Variants in ANKFN1 observed in about 807,000 individuals in gnomAD.
ANKFN1 encodes ankyrin repeat and fibronectin type III domain containing 1.
A neutral mutation model predicts 108.7 loss-of-function variants in ANKFN1; 74 were observed. That is an observed-to-expected ratio of 0.68 (90% confidence interval 0.56 to 0.83). The LOEUF is 0.83. Among genes scored for constraint, ANKFN1 ranks in the 40% least tolerant of loss-of-function variants. The pLI is 0.00. For missense variants in ANKFN1, 1,505 were observed against 1,382.3 expected (o/e 1.09, Z -1.41); for synonymous variants, 547 against 516.2 (o/e 1.06, Z -0.81).
At chr17:56,246,415 C>T (rs999309367) in intron 3 of ANKFN1, among the ~76,000 whole-genome samples, 3 of 152,112 alleles carry the variant, frequency 2.0e-5, no homozygotes, top group Admixed American at 6.6e-5. Context: ...CTAACAGATA[C>T]ATTATAATAT....
chr17:56,126,761 T>C (rs996401451), intron 4 of ANKFN1, among the ~76,000 whole-genome samples: 2 of 152,194 alleles, frequency 1.3e-5, no homozygotes, highest in African/African-American at 4.8e-5. Context: ...TAATACCATT[T>C]TGATAAGTAA....
At chr17:56,496,689 A>G (rs1262326863) in intron 19 of ANKFN1, among the ~76,000 whole-genome samples, 1 of 152,072 alleles carries the variant, frequency 6.6e-6, no homozygotes, top group East Asian at 1.9e-4. Flanking sequence ...CACAGAGAAA[A>G]TCCAAGATAA....
chr17:56,058,319 C>T (rs1256317944), intron 4 of ANKFN1, among the ~76,000 whole-genome samples: 1 of 152,194 alleles, frequency 6.6e-6, no homozygotes, highest in Non-Finnish European at 1.5e-5. Flanking sequence ...TTAGTGTCGC[C>T]ACCTTCATGA....
chr17:56,318,374 T>A (rs1173145702), intron 3 of ANKFN1, among the ~76,000 whole-genome samples: 1 of 152,130 alleles, frequency 6.6e-6, no homozygotes, highest in Non-Finnish European at 1.5e-5. Context: ...TTCCTTAAAC[T>A]GGGAAAAAGT....
intron 4 of ANKFN1, among the ~76,000 whole-genome samples, chr17:56,147,663 C>A (rs1908345711): frequency 6.6e-6 from 1 of 152,178 alleles, no homozygotes; most frequent in Non-Finnish European, 1.5e-5. Context: ...ATTGGAACTA[C>A]AATTCAAGAT....
At chr17:56,260,061 C>T (rs1863889105) in intron 3 of ANKFN1, among the ~76,000 whole-genome samples, 1 of 152,106 alleles carries the variant, frequency 6.6e-6, no homozygotes, top group African/African-American at 2.4e-5. Flanking sequence ...GGGTTCCATG[C>T]AAGGATAGGC....
chr17:56,312,355 A>G (rs945485534), intron 3 of ANKFN1, among the ~76,000 whole-genome samples: 2 of 152,302 alleles, frequency 1.3e-5, no homozygotes, highest in Admixed American at 6.5e-5. Flanking sequence ...TATCTAGTCT[A>G]GACCCAGAGT....
chr17:56,136,047 C>T (rs566162385), intron 4 of ANKFN1, among the ~76,000 whole-genome samples: 9 of 152,216 alleles, frequency 5.9e-5, no homozygotes, highest in African/African-American at 1.9e-4. Context: ...TTTTAGGGGC[C>T]ATCACATAAA....
Position 56,457,865 on chromosome 17 carries a change from G to A in ANKFN1, c.1443G>A (p.Leu481=). Residue 481 remains leucine, a splice_region_variant and synonymous_variant, in exon 14 of 21, where the codon CTG becomes CTA. Coordinates refer to ENST00000682825, the MANE Select transcript of ANKFN1 (RefSeq NM_001370326.1). ...ITQDFLWFTK[L]SCMWEDIRWL... is the part of the protein sequence containing the mutation. ...TGATTGCATGCCTTCTTTTGCAGCT[G>A]TCTTGTATGTGGGAAGATATAAGGT... is the stretch of plus-strand genomic sequence containing the variant. The A allele has an allele frequency of 1.2e-6, 2 of 1,611,700 alleles. No individual in the cohort carries two copies. The highest frequency in any genetic ancestry group is 8.5e-7 in the Non-Finnish European group (1 of 1,178,314).
At chr17:56,135,926 T>G (rs764656685) in intron 4 of ANKFN1, among the ~76,000 whole-genome samples, 16 of 152,112 alleles carry the variant, frequency 1.1e-4, no homozygotes, top group Admixed American at 3.3e-4. Context: ...ATGTCAAAAA[T>G]TATGTGAATG....
chr17:56,072,619 T>TTTC (rs1256522096), intron 4 of ANKFN1, among the ~76,000 whole-genome samples: 3 of 152,230 alleles, frequency 2.0e-5, no homozygotes, highest in African/African-American at 7.2e-5. Context: ...TTATATGAAA[T>TTTC]ATATGTACTC....
rs1278939411 is a variant in ANKFN1, at chr17:56,511,503, A to T, written c.*234A>T. On this transcript the variant is annotated 3_prime_UTR_variant, in exon 21 of 21. Coordinates refer to ENST00000682825, the MANE Select transcript of ANKFN1 (RefSeq NM_001370326.1). ...GAAAGGGCATGGGGGAGTTGTGTCA[A>T]CATGGAATACGACATACAGTGACTC... is the stretch of plus-strand genomic sequence containing the variant. The T allele has an allele frequency of 5.6e-6, 3 of 539,102 alleles. No individual in the cohort carries two copies. The highest frequency in any genetic ancestry group is 9.8e-6 in the Non-Finnish European group (3 of 306,066). The allele number at this position is 539,102 out of a possible 1,614,324, so 33.4% of individuals were successfully genotyped here.
chr17:56,204,425 C>T (rs191150762), intron 1 of ANKFN1, among the ~76,000 whole-genome samples: 2 of 152,094 alleles, frequency 1.3e-5, no homozygotes, highest in African/African-American at 4.8e-5. Flanking sequence ...ACTGCAACTT[C>T]TGCCTCCTAG....
At chr17:56,450,913 A>G (rs2049462004) in intron 11 of ANKFN1, among the ~76,000 whole-genome samples, 1 of 152,224 alleles carries the variant, frequency 6.6e-6, no homozygotes, top group Non-Finnish European at 1.5e-5. Flanking sequence ...TTGTTTCTAT[A>G]GTTTCCATCC....
chr17:56,235,558 A>T (rs996653527), intron 3 of ANKFN1, among the ~76,000 whole-genome samples: 1 of 152,106 alleles, frequency 6.6e-6, no homozygotes, highest in Non-Finnish European at 1.5e-5. Flanking sequence ...GTCCCGTTTC[A>T]ATCTTCTGCA....
chr17:56,248,685 C>G (rs769547238), intron 3 of ANKFN1, among the ~76,000 whole-genome samples: 1 of 152,102 alleles, frequency 6.6e-6, no homozygotes, highest in Non-Finnish European at 1.5e-5. Context: ...AATGACTCTA[C>G]GCAGAGATTA....
intron 4 of ANKFN1, among the ~76,000 whole-genome samples, chr17:56,048,602 A>G (rs1161615503): frequency 1.3e-5 from 2 of 152,164 alleles, no homozygotes; most frequent in African/African-American, 4.8e-5. Context: ...GCAGCTTCCC[A>G]GGTGCCTTCA....
At chr17:56,404,207 G>A (rs1369322798) in intron 8 of ANKFN1, among the ~76,000 whole-genome samples, 2 of 152,064 alleles carry the variant, frequency 1.3e-5, no homozygotes, top group Admixed American at 6.6e-5. Flanking sequence ...GGATGTCTAG[G>A]TCACTAGCAA....
At chr17:56,117,925 G>A (rs1906376573) in intron 4 of ANKFN1, among the ~76,000 whole-genome samples, 1 of 152,034 alleles carries the variant, frequency 6.6e-6, no homozygotes, top group East Asian at 1.9e-4. Flanking sequence ...CAGACTCATT[G>A]ACTTTCTGAT....
Sources: gnomAD v4.1 joint callset for allele counts (sites outside exome capture counted in the v4.1 genomes callset) on GRCh38, gnomAD v4.1.1 for gene constraint, MANE v1.5 for transcripts, NCBI Gene and HGNC (gene_info 2026-07-23, HGNC 2026-07-21) for gene names.